XRRA1: variants seen among roughly 807,000 people sequenced by gnomAD.
XRRA1 encodes the protein X-ray radiation resistance associated 1, also known as X-ray radiation resistance-associated protein 1.
A neutral mutation model predicts 80.2 loss-of-function variants in XRRA1; 69 were observed. That is an observed-to-expected ratio of 0.86 (90% confidence interval 0.71 to 1.05). The LOEUF is 1.05. Among genes scored for constraint, XRRA1 ranks in the 50% least tolerant of loss-of-function variants. XRRA1 has a pLI of 0.00. For synonymous variants in XRRA1, 348 were observed against 389.9 expected (o/e 0.89, Z 1.27); for missense variants, 967 against 976.4 (o/e 0.99, Z 0.13).
intron 15 of XRRA1, among the ~76,000 whole-genome samples, chr11:74,845,605 A>G (rs1250070076): frequency 2.0e-5 from 3 of 152,156 alleles, no homozygotes; most frequent in Non-Finnish European, 4.4e-5. Flanking sequence ...AGTGATGAGA[A>G]AGAATGATTG....
intron 16 of XRRA1, 133 bp from the exon 17 acceptor site, chr11:74,844,416 TGCCC>T: frequency 1.5e-6 from 1 of 662,298 alleles, no homozygotes. Flanking sequence ...AAGAAAACAC[TGCCC>T]CCAGGTTTCT....
At chr11:74,861,481 T>C (rs2042290209) in intron 11 of XRRA1, among the ~76,000 whole-genome samples, 1 of 152,220 alleles carries the variant, frequency 6.6e-6, no homozygotes. Flanking sequence ...TGCCTGATGA[T>C]CTGTCACTGT....
In XRRA1 at chr11:74,927,421, G is replaced by C. The variant is rs200079394; in HGVS notation, c.492C>G (p.Tyr164Ter). Residue 164 changes from tyrosine (Y) to a stop codon, truncating the protein, a stop_gained, in exon 7 of 19, where the codon TAC (tyrosine) becomes TAG (stop). Coordinates refer to ENST00000684022, the MANE Select transcript of XRRA1 (RefSeq NM_001378157.1). LOFTEE classifies it high-confidence loss of function. ...DLAFNGIKTI[Y>*]VKYGDFKLLE... The stretch of plus-strand genomic sequence containing the variant: ...ATAACTTAAAGTCTCCATATTTCAC[G>C]TAGATAGTTTTGATGCCATTAAATG... 1 of 1,613,030 alleles carries C rather than the reference G, an allele frequency of 6.2e-7. No homozygotes were observed.
intron 10 of XRRA1, among the ~76,000 whole-genome samples, chr11:74,878,927 G>C (rs963072120): frequency 1.3e-5 from 2 of 151,852 alleles, no homozygotes; most frequent in Non-Finnish European, 2.9e-5. Flanking sequence ...TTTTGGCTTA[G>C]GATTGACTTG....
chr11:74,885,165 G>A lies in XRRA1; in HGVS notation c.1003+21074C>T, dbSNP rs2048714304. ...TATAGTTCCAGCTACTTGGGAGGCT[G>A]AGGTGGGAGGATTGCTTGAGTATGG... On this transcript the variant is annotated intron_variant, in intron 10 of 18. Transcript: ENST00000684022. Among the ~76,000 whole-genome samples, 3 of 152,294 alleles carry A rather than the reference G, an allele frequency of 2.0e-5. No homozygotes were observed. In the South Asian group the frequency reaches 6.2e-4, roughly 32 times the overall value.
intron 13 of XRRA1, among the ~76,000 whole-genome samples, chr11:74,851,547 A>T (rs1413863060): frequency 3.9e-5 from 6 of 151,918 alleles, no homozygotes; most frequent in African/African-American, 1.2e-4. Flanking sequence ...ACTGCTGACC[A>T]CTCCATTCAG....
At chr11:74,870,199 C>T (rs1011038267) in intron 10 of XRRA1, among the ~76,000 whole-genome samples, 2 of 152,304 alleles carry the variant, frequency 1.3e-5, no homozygotes, top group Admixed American at 1.3e-4. Context: ...TTAGTGAATC[C>T]CTCGGTACCC....
chr11:74,852,135 C>T (rs2040027830), intron 12 of XRRA1, 53 bp from the exon 13 acceptor site: 1 of 1,470,712 alleles, frequency 6.8e-7, no homozygotes, highest in African/African-American at 1.4e-5. Flanking sequence ...TCACCTCTAC[C>T]CAGGTATGTC....
At chr11:74,861,497 A>G (rs2042293592) in intron 11 of XRRA1, among the ~76,000 whole-genome samples, 2 of 152,188 alleles carry the variant, frequency 1.3e-5, no homozygotes, top group African/African-American at 4.8e-5. Flanking sequence ...ACTGTCTTCC[A>G]TCACCCCAAG....
rs1947213279 is a variant in XRRA1 at position 74,945,058 on chromosome 11, T to C, written c.-45A>G. 1 of 152,664 alleles carries C rather than the reference T, an allele frequency of 6.6e-6. No homozygotes were observed. The highest frequency in any genetic ancestry group is 1.5e-5 in the Non-Finnish European group (1 of 68,042). The allele number at this position is 152,664 out of a possible 1,614,324, so 9.5% of individuals were successfully genotyped here. A position where few individuals can be genotyped will look rare whatever the true frequency, so the allele number is the denominator to read the frequency against. On this transcript the variant is annotated 5_prime_UTR_variant, in exon 2 of 19. Coordinates refer to ENST00000684022, the MANE Select transcript of XRRA1 (RefSeq NM_001378157.1). ...GGGAATGGCCCCTTAACTTCCTTTT[T>C]TTTTTGTTTCTTCACTTGTTTCTTT... is the stretch of plus-strand genomic sequence containing the variant.
chr11:74,863,199 T>TA, intron 10 of XRRA1, 178 bp from the exon 11 acceptor site: 1 of 677,536 alleles, frequency 1.5e-6, no homozygotes, highest in Admixed American at 2.3e-5. Context: ...ATGCATCAGG[T>TA]AATAAGTCCC....
intron 10 of XRRA1, among the ~76,000 whole-genome samples, chr11:74,868,228 TAAAG>T (rs2043921538): frequency 2.0e-5 from 3 of 152,226 alleles, no homozygotes; most frequent in East Asian, 1.9e-4. Context: ...TCAACATTCT[TAAAG>T]AAAAGAATTT....
rs148106244 is a variant in XRRA1 at position 74,848,179 on chromosome 11, C to T, written c.1664G>A (p.Arg555His). ...TLSHLSDTTV[R>H]LSPERPSDED... Reference sequence around the variant, plus strand: ...ATCTGATGGGCGCTCTGGGCTGAGGCGGACAGTTGTGTCACTCAGGTGGGA... The same window carrying T: ...ATCTGATGGGCGCTCTGGGCTGAGGTGGACAGTTGTGTCACTCAGGTGGGA... The change falls in exon 15 of 19, where the codon CGC (arginine) becomes CAC (histidine). Residue 555 changes from arginine to histidine, a missense_variant. Transcript: ENST00000684022. 1,764 of 1,613,652 alleles carry T rather than the reference C, an allele frequency of 1.1e-3. 14 individuals are homozygous for T. In the African/African-American group the frequency reaches 0.02, roughly 18 times the overall value.
intron 12 of XRRA1, among the ~76,000 whole-genome samples, chr11:74,857,644 A>G (rs1260057361): frequency 1.3e-5 from 2 of 152,236 alleles, no homozygotes; most frequent in African/African-American, 4.8e-5. Flanking sequence ...CTTTCCCCCA[A>G]AACTGCAGAA....
At chr11:74,906,148 C>T (rs917751409) in intron 10 of XRRA1, 91 bp downstream of exon 10, 84 of 1,239,472 alleles carry the variant, frequency 6.8e-5, no homozygotes, top group Non-Finnish European at 8.9e-5. Context: ...TCGTGATATT[C>T]ACCATGACCA....
intron 10 of XRRA1, among the ~76,000 whole-genome samples, chr11:74,864,282 A>T (rs1223936026): frequency 1.3e-5 from 2 of 152,232 alleles, no homozygotes; most frequent in African/African-American, 4.8e-5. Flanking sequence ...GGATAGAAGA[A>T]TGGACCCAGG....
intron 6 of XRRA1, among the ~76,000 whole-genome samples, chr11:74,928,338 AG>A (rs1388638960): frequency 6.6e-6 from 1 of 152,226 alleles, no homozygotes; most frequent in Non-Finnish European, 1.5e-5. Flanking sequence ...AAACACCTGA[AG>A]GGGGCACCAT....
intron 10 of XRRA1, among the ~76,000 whole-genome samples, chr11:74,893,861 A>C (rs904146157): frequency 6.6e-6 from 1 of 152,260 alleles, no homozygotes; most frequent in Non-Finnish European, 1.5e-5. Context: ...ACTTAAAAAC[A>C]GAATTACTAT....
At chr11:74,866,463 C>T (rs2043433440) in intron 10 of XRRA1, among the ~76,000 whole-genome samples, 1 of 151,542 alleles carries the variant, frequency 6.6e-6, no homozygotes, top group Non-Finnish European at 1.5e-5. Flanking sequence ...ACTTTGTTGC[C>T]CAGGCTGGTC....
Sources: allele counts gnomAD v4.1 joint callset (sites outside exome capture counted in the v4.1 genomes callset), GRCh38; gene constraint gnomAD v4.1.1; transcripts MANE v1.5; gene names NCBI Gene and HGNC (gene_info 2026-07-23, HGNC 2026-07-21).